Variants in INTS12 observed in about 807,000 individuals in gnomAD.
INTS12 encodes PHD finger protein 22.
INTS12 carries 13 observed loss-of-function variants against 41.6 expected under a neutral mutation model. The observed-to-expected ratio is 0.31, with a 90% CI of 0.20 to 0.50. INTS12 has a LOEUF of 0.50. Ranked by LOEUF, INTS12 falls within the 20% of genes least tolerant of loss-of-function variation. The probability of loss-of-function intolerance (pLI) is 0.98; values close to 1 mark genes in which losing one functional copy is unlikely to be tolerated. For missense variants in INTS12, 432 were observed against 541.6 expected (o/e 0.80, Z 2.01); for synonymous variants, 199 against 191.4 (o/e 1.04, Z -0.33).
chr4:105,697,238 T>C (rs1344818884), intron 3 of INTS12, among the ~76,000 whole-genome samples: 6 of 152,236 alleles, frequency 3.9e-5, no homozygotes, highest in East Asian at 1.9e-4. Context: ...ATTAATAGTA[T>C]GCATAAACTT....
chr4:105,702,970 T>C, intron 2 of INTS12: 1 of 985,024 alleles, frequency 1.0e-6, no homozygotes, highest in Non-Finnish European at 1.2e-6. Flanking sequence ...TGAAAGAAGT[T>C]TACTTTCTAC....
intron 6 of INTS12, among the ~76,000 whole-genome samples, chr4:105,687,907 C>T (rs891951305): frequency 2.0e-5 from 3 of 151,914 alleles, no homozygotes; most frequent in Admixed American, 2.0e-4. Flanking sequence ...GAGCCGAGAT[C>T]GCACCACTGC....
intron 1 of INTS12, among the ~76,000 whole-genome samples, chr4:105,704,131 A>C (rs1233600041): frequency 6.6e-6 from 1 of 150,862 alleles, no homozygotes; most frequent in Non-Finnish European, 1.5e-5. Flanking sequence ...ATGCTTTTGT[A>C]CTCTTTTTCT....
chr4:105,695,558 A>C lies in INTS12; in HGVS notation c.267T>G (p.Thr89=), dbSNP rs779353865. ...TTTCAGCTTCCTTCTTTACCTTTTC[A>C]GTTGTGAGGACCTTGCCATTATTAT... The part of the protein sequence containing the change: ...SGNNNGKVLT[T]EKVKKEAEKR... The change falls in exon 4 of 8, where the codon ACT becomes ACG. Residue 89 remains threonine (T), a synonymous_variant. Transcript: ENST00000340139. 2.5e-5 allele frequency: 40 copies of C among 1,611,830 alleles called. No homozygotes were observed. Among genetic ancestry groups the C allele is most frequent in the Non-Finnish European group, 3.3e-5 (39 of 1,179,354 alleles).
At chr4:105,689,451 G>C (rs1731609545) in intron 6 of INTS12, among the ~76,000 whole-genome samples, 1 of 152,046 alleles carries the variant, frequency 6.6e-6, no homozygotes, top group African/African-American at 2.4e-5. Flanking sequence ...ACATTTCCTG[G>C]ATTCTGATCT....
intron 1 of INTS12, chr4:105,708,133 T>C: frequency 2.0e-6 from 2 of 985,378 alleles, no homozygotes; most frequent in Non-Finnish European, 2.4e-6. Flanking sequence ...GAGTTCTTGG[T>C]TCTGGATAAC....
chr4:105,700,533 C>T (rs558081742), intron 2 of INTS12, among the ~76,000 whole-genome samples: 4 of 150,480 alleles, frequency 2.7e-5, no homozygotes, highest in Admixed American at 1.3e-4. Flanking sequence ...TTTACCTCAA[C>T]TCTTTTTTTT....
rs1165662376 is a variant in INTS12, at chr4:105,683,282, G to A, written c.840C>T (p.Ala280=). Residue 280 remains alanine (A), a synonymous_variant, in exon 8 of 8, where the codon GCC becomes GCT. Coordinates refer to ENST00000340139, the MANE Select transcript of INTS12 (RefSeq NM_020395.4). ...CACTAGTTACTGACGAGGAAACGCTGGCACTAGAAGAATTTCCTGAAATAA... is the reference window on the plus strand; with the variant it reads ...CACTAGTTACTGACGAGGAAACGCTAGCACTAGAAGAATTTCCTGAAATAA... ...STVISGNSSS[A]SVSSSVTSGL... 2 of 1,612,128 alleles carry A rather than the reference G, an allele frequency of 1.2e-6. No homozygotes were observed. Among genetic ancestry groups the A allele is most frequent in the Non-Finnish European group, 1.7e-6 (2 of 1,179,306 alleles).
chr4:105,701,353 T>A lies in INTS12; in HGVS notation c.-9-1339A>T, dbSNP rs184748566. On this transcript the variant is annotated intron_variant, in intron 2 of 7. Transcript: ENST00000340139. ...CATCTGAATCACCCATGGAAAGGAA[T>A]CCAAAGGCCAGTACTATAATGAAAA... Among the ~76,000 whole-genome samples the A allele has an allele frequency of 4.2e-3, 643 of 151,824 alleles. 7 individuals carry two copies. Among genetic ancestry groups the A allele is most frequent in the African/African-American group, 0.015 (605 of 41,418 alleles).
intron 5 of INTS12, 46 bp from the exon 6 acceptor site, chr4:105,692,181 A>G (rs372378109): frequency 3.2e-6 from 5 of 1,561,126 alleles, no homozygotes; most frequent in Non-Finnish European, 4.4e-6. Flanking sequence ...TTTAAATGCC[A>G]TAATTTAAAG....
In INTS12 at chr4:105,707,319, T is replaced by C. The variant is rs1435191790; in HGVS notation, c.-172+1319A>G. Among the ~76,000 whole-genome samples the C allele has an allele frequency of 4.6e-5, 7 of 150,806 alleles. No homozygotes were observed. The East Asian group carries it at 7.7e-4, about 17-fold the overall frequency. On this transcript the variant is annotated intron_variant, in intron 1 of 7. Coordinates refer to ENST00000340139, the MANE Select transcript of INTS12 (RefSeq NM_020395.4). Reference sequence around the variant, plus strand: ...TTGCAACTTTCTCCCTTGAAGCATTTTTTTTTTTTTTTGGCACAAGTGTTA... The same window carrying C: ...TTGCAACTTTCTCCCTTGAAGCATTCTTTTTTTTTTTTGGCACAAGTGTTA...
In INTS12 at chr4:105,683,169, G is replaced by A. The variant is rs1731381496; in HGVS notation, c.953C>T (p.Thr318Ile). ...AGCTGACGAAGTAGCAGGTTTCCCAGTATTGTTTTGTGTTGTTGAACTCAA... is the reference window on the plus strand; with the variant it reads ...AGCTGACGAAGTAGCAGGTTTCCCAATATTGTTTTGTGTTGTTGAACTCAA... The part of the protein sequence containing the change: ...AKLSSTTQNN[T>I]GKPATSSANQ... Residue 318 changes from threonine (T) to isoleucine (I), a missense_variant, in exon 8 of 8, where the codon ACT (threonine) becomes ATT (isoleucine). Thr to Ile is a moderately conservative substitution (Grantham distance 89). Around this residue, in one of 3 missense-constraint regions of INTS12, gnomAD observed 258 missense variants for 309.9 expected, o/e 0.83. Transcript: ENST00000340139. 2 of 1,613,968 alleles carry A rather than the reference G, an allele frequency of 1.2e-6. No homozygotes were observed. The highest frequency in any genetic ancestry group is 8.5e-7 in the Non-Finnish European group (1 of 1,179,958).
At chr4:105,687,107 A>T in intron 6 of INTS12, 1 of 376,886 alleles carries the variant, frequency 2.7e-6, no homozygotes, top group South Asian at 2.9e-5. Flanking sequence ...AACAAGATAA[A>T]ATTGTTTTTT....
intron 2 of INTS12, 27 bp from the exon 3 acceptor site, chr4:105,700,041 T>C: frequency 7.1e-7 from 1 of 1,412,686 alleles, no homozygotes; most frequent in Middle Eastern, 1.9e-4. Flanking sequence ...GAAAGTAATC[T>C]AGAAGACAAT....
At chr4:105,686,648 A>C (rs1007347736) in intron 7 of INTS12, 44 bp downstream of exon 7, 5 of 1,473,636 alleles carry the variant, frequency 3.4e-6, no homozygotes, top group Non-Finnish European at 4.6e-6. Flanking sequence ...TTAGTCAACT[A>C]AACTTTAAGA....
At chr4:105,701,419 C>A (rs1443300281) in intron 2 of INTS12, among the ~76,000 whole-genome samples, 1 of 152,026 alleles carries the variant, frequency 6.6e-6, no homozygotes, top group Non-Finnish European at 1.5e-5. Context: ...AAGAATTTAA[C>A]AAAATTGAAA....
At chr4:105,695,719 T>TA (rs1001552827) in intron 3 of INTS12, 51 bp from the exon 4 acceptor site, 15 of 1,375,668 alleles carry the variant, frequency 1.1e-5, no homozygotes, top group African/African-American at 1.5e-5. Flanking sequence ...CTGATCATCA[T>TA]AAAAAAAGAT....
Position 105,695,551 on chromosome 4 carries a change from C to T in INTS12, c.274G>A (p.Val92Ile), listed in dbSNP as rs778081826. 2.5e-6 allele frequency: 4 copies of T among 1,610,906 alleles called. No individual in the cohort carries two copies. Among genetic ancestry groups the T allele is most frequent in the Admixed American group, 3.4e-5 (2 of 59,506 alleles). Residue 92 changes from valine (V) to isoleucine (I), a missense_variant, in exon 4 of 8, where the codon GTA (valine) becomes ATA (isoleucine). Val to Ile is a conservative substitution (Grantham distance 29). This residue lies in a region of INTS12 where 168 missense variants were observed against 198.9 expected (regional missense o/e 0.84). Transcript: ENST00000340139. ...GGTCTCTTTTCAGCTTCCTTCTTTA[C>T]CTTTTCAGTTGTGAGGACCTTGCCA... ...NNGKVLTTEKVKKEAEKRPAD... is the reference protein window; with the variant it reads ...NNGKVLTTEKIKKEAEKRPAD...
chr4:105,702,794 T>C, intron 2 of INTS12: 1 of 746,364 alleles, frequency 1.3e-6, no homozygotes, highest in Non-Finnish European at 1.6e-6. Flanking sequence ...CTGACTTTTG[T>C]TTCCTCACCA....
Sources: allele counts gnomAD v4.1 joint callset (sites outside exome capture counted in the v4.1 genomes callset), GRCh38; gene constraint gnomAD v4.1.1; regional missense constraint gnomAD v4.1.1; transcripts MANE v1.5; gene names NCBI Gene and HGNC (gene_info 2026-07-23, HGNC 2026-07-21).